Variants in IGF2BP2 observed in about 807,000 individuals in gnomAD.
IGF2BP2 encodes the protein insulin like growth factor 2 mRNA binding protein 2.
IGF2BP2 carries 17 observed loss-of-function variants against 75.8 expected under a neutral mutation model. That is an observed-to-expected ratio of 0.22 (90% CI 0.15 to 0.34). The LOEUF is 0.34. IGF2BP2 is among the 10% of genes least tolerant of loss of function. The pLI is 1.00. For synonymous variants in IGF2BP2, 288 were observed against 295.6 expected, an observed-to-expected ratio of 0.97 and a Z score of 0.26; for missense variants, 516 against 772.4, an observed-to-expected ratio of 0.67 and a Z score of 3.93.
chr3:185,773,859 C>A (rs1239550661), intron 2 of IGF2BP2, among the ~76,000 whole-genome samples: 1 of 152,158 alleles, frequency 6.6e-6, no homozygotes, highest in Non-Finnish European at 1.5e-5. Context: ...GCTCTAAAAG[C>A]CCTTGTGCCA....
intron 2 of IGF2BP2, among the ~76,000 whole-genome samples, chr3:185,740,454 C>T (rs115327345): frequency 0.023 from 3,544 of 152,276 alleles, 68 homozygotes; most frequent in Middle Eastern, 0.054. Context: ...AAATGTCTAC[C>T]TGCTGAGTTT....
chr3:185,652,187 G>A lies in IGF2BP2; in HGVS notation c.1387-19C>T, dbSNP rs190238457. ...GGGCAATCTGTGGTTCACAGGAGAG[G>A]AAAACGCTGATGCTCGGCTGCATTC... On this transcript the variant is annotated intron_variant, in intron 12 of 15. Transcript: ENST00000382199. 93 of 1,597,412 alleles carry A rather than the reference G, an allele frequency of 5.8e-5. No homozygotes were observed. The East Asian group carries it at 2.0e-3, about 35-fold the overall frequency.
intron 7 of IGF2BP2, among the ~76,000 whole-genome samples, chr3:185,684,269 T>G (rs1172239918): frequency 6.6e-6 from 1 of 152,172 alleles, no homozygotes; most frequent in Non-Finnish European, 1.5e-5. Flanking sequence ...TTCAGTCCCT[T>G]CAGGGCTCTG....
intron 2 of IGF2BP2, among the ~76,000 whole-genome samples, chr3:185,703,948 T>C (rs78602517): frequency 0.041 from 6,171 of 152,166 alleles, 158 homozygotes; most frequent in Non-Finnish European, 0.054. Context: ...CAAATTAACA[T>C]GAATTGTGAG....
chr3:185,771,425 G>A (rs1286506665), intron 2 of IGF2BP2, among the ~76,000 whole-genome samples: 3 of 145,216 alleles, frequency 2.1e-5, no homozygotes, highest in Non-Finnish European at 4.5e-5. Flanking sequence ...GGGCGAAAGA[G>A]TAAGACTTCG....
chr3:185,806,437 G>A (rs1035647837), intron 2 of IGF2BP2, among the ~76,000 whole-genome samples: 2 of 152,052 alleles, frequency 1.3e-5, no homozygotes, highest in African/African-American at 4.8e-5. Context: ...TATTTTCTAA[G>A]CCTCAGTCTA....
chr3:185,713,190 C>T (rs1197027878), intron 2 of IGF2BP2: 6 of 346,936 alleles, frequency 1.7e-5, no homozygotes, highest in Non-Finnish European at 3.4e-5. Flanking sequence ...GTACCACTGT[C>T]ATAAACCACC....
chr3:185,761,565 A>G (rs181398391), intron 2 of IGF2BP2, among the ~76,000 whole-genome samples: 2 of 152,294 alleles, frequency 1.3e-5, no homozygotes, highest in Non-Finnish European at 2.9e-5. Flanking sequence ...TACTCTTGCC[A>G]AAAGAAAAAT....
intron 2 of IGF2BP2, among the ~76,000 whole-genome samples, chr3:185,809,895 A>G (rs867500486): frequency 6.6e-6 from 1 of 152,206 alleles, no homozygotes; most frequent in Non-Finnish European, 1.5e-5. Flanking sequence ...CTGTCCAAAG[A>G]AAAAACAAGA....
chr3:185,711,978 C>T (rs1156407959), intron 2 of IGF2BP2, among the ~76,000 whole-genome samples: 1 of 152,184 alleles, frequency 6.6e-6, no homozygotes, highest in Non-Finnish European at 1.5e-5. Flanking sequence ...CAGCTTTGGT[C>T]CTGATGTGCT....
At chr3:185,713,371 G>A in intron 2 of IGF2BP2, 4 of 519,232 alleles carry the variant, frequency 7.7e-6, no homozygotes, top group South Asian at 2.8e-5. Flanking sequence ...CAGCAGGTGA[G>A]GAAAACTTAA....
intron 2 of IGF2BP2, among the ~76,000 whole-genome samples, chr3:185,738,349 A>T (rs1350172855): frequency 1.3e-5 from 2 of 152,242 alleles, no homozygotes; most frequent in Admixed American, 1.3e-4. Flanking sequence ...ATAAACACTA[A>T]TAATTACAGA....
intron 2 of IGF2BP2, among the ~76,000 whole-genome samples, chr3:185,820,227 TATACACATACACAC>T (rs1457364482): frequency 1.4e-4 from 13 of 91,654 alleles, no homozygotes; most frequent in African/African-American, 1.0e-3. Flanking sequence ...TATGTGTATA[TATACACATACACAC>T]ACACACACAC....
intron 2 of IGF2BP2, among the ~76,000 whole-genome samples, chr3:185,698,727 CAAGCG>C (rs1407877002): frequency 6.6e-6 from 1 of 152,142 alleles, no homozygotes; most frequent in East Asian, 1.9e-4. Flanking sequence ...CTCCCGGGTT[CAAGCG>C]ATTCTCCTGC....
intron 5 of IGF2BP2, among the ~76,000 whole-genome samples, chr3:185,691,441 T>C (rs1339367563): frequency 1.3e-5 from 2 of 152,054 alleles, no homozygotes; most frequent in Non-Finnish European, 1.5e-5. Context: ...TTTTGAAAAC[T>C]AGCAGTATGA....
chr3:185,708,871 T>A (rs1283116656), intron 2 of IGF2BP2, among the ~76,000 whole-genome samples: 1 of 152,242 alleles, frequency 6.6e-6, no homozygotes, highest in South Asian at 2.1e-4. Flanking sequence ...TGAGTTGTTA[T>A]GAGCCAAACA....
intron 2 of IGF2BP2, among the ~76,000 whole-genome samples, chr3:185,771,149 G>A (rs1227207799): frequency 6.6e-6 from 1 of 152,142 alleles, no homozygotes; most frequent in Non-Finnish European, 1.5e-5. Flanking sequence ...CTTGAAAAGA[G>A]CCTAAATGGG....
intron 10 of IGF2BP2, among the ~76,000 whole-genome samples, chr3:185,670,806 G>C (rs1390239417): frequency 6.6e-6 from 1 of 151,998 alleles, no homozygotes; most frequent in East Asian, 1.9e-4. Context: ...CTGACCTCAG[G>C]AGATCCACCT....
chr3:185,824,557 G>C lies in IGF2BP2; in HGVS notation c.178+226C>G, dbSNP rs536019329. On this transcript the variant is annotated intron_variant, in intron 1 of 15. Coordinates refer to ENST00000382199, the MANE Select transcript of IGF2BP2 (RefSeq NM_006548.6). Reference sequence around the variant, plus strand: ...CGGAGCGGCACGGGGGGCGCCCCAAGGCTGCGGCCCCGAGGGCGAGGGCAG... The same window carrying C: ...CGGAGCGGCACGGGGGGCGCCCCAACGCTGCGGCCCCGAGGGCGAGGGCAG... Among the ~76,000 whole-genome samples the C allele has an allele frequency of 2.0e-3, 307 of 150,258 alleles. 1 individual carries two copies. Among genetic ancestry groups the C allele is most frequent in the African/African-American group, 7.3e-3 (298 of 41,032 alleles).
Sources: allele counts gnomAD v4.1 joint callset (sites outside exome capture counted in the v4.1 genomes callset), GRCh38; gene constraint gnomAD v4.1.1; transcripts MANE v1.5; gene names NCBI Gene and HGNC (gene_info 2026-07-23, HGNC 2026-07-21).